DCAF6: variants seen among roughly 807,000 people sequenced by gnomAD.
The protein encoded by DCAF6 is DDB1- and CUL4-associated factor 6.
Under a neutral mutation model 125.1 loss-of-function variants are expected in DCAF6, and 54 were observed. The observed-to-expected ratio is 0.43, with a 90% confidence interval of 0.35 to 0.54. DCAF6 has a LOEUF of 0.54. Ranked by LOEUF, DCAF6 falls within the 20% of genes least tolerant of loss-of-function variation. The probability of loss-of-function intolerance (pLI) is 0.01; values close to 1 mark genes in which losing one functional copy is unlikely to be tolerated. For missense variants in DCAF6, 934 were observed against 1,161.7 expected, an observed-to-expected ratio of 0.80 and a Z score of 2.85; for synonymous variants, 371 against 390.4, an observed-to-expected ratio of 0.95 and a Z score of 0.58.
At position 167,939,893 on chromosome 1, in the gene DCAF6, C is replaced by T. The variant is rs562733009; in HGVS notation, c.97+2885C>T. Among the ~76,000 whole-genome samples, 9 of 152,226 alleles carry T rather than the reference C, an allele frequency of 5.9e-5. 1 individual carries two copies. The South Asian group carries it at 1.5e-3, about 25-fold the overall frequency. On this transcript the variant is annotated intron_variant, in intron 1 of 21. Transcript: ENST00000367840. ...AAAAGACTTCAATATTTAAACATTA[C>T]GATTGTCTATCTACAGGGTTGTAGA...
At chr1:168,009,572 C>G (rs2103124100) in intron 10 of DCAF6, among the ~76,000 whole-genome samples, 1 of 149,172 alleles carries the variant, frequency 6.7e-6, no homozygotes, top group African/African-American at 2.5e-5. Flanking sequence ...CCTTTCCCAT[C>G]TTTCTCTCTT....
intron 4 of DCAF6, among the ~76,000 whole-genome samples, chr1:167,979,908 C>T (rs539840128): frequency 2.7e-5 from 4 of 149,226 alleles, no homozygotes; most frequent in South Asian, 4.3e-4. Context: ...ACAGGCTGGG[C>T]GCAGTGGCTC....
rs917187435 is a variant in DCAF6 at position 167,965,656 on chromosome 1, C to T, written c.160-973C>T. The stretch of plus-strand genomic sequence containing the variant: ...GTTTTTTTCTTTTTTGAGACAGAGT[C>T]TTGCTCTGTCGCGTAGGCTGGGTGC... On this transcript the variant is annotated intron_variant, in intron 2 of 21. Coordinates refer to ENST00000367840, the MANE Select transcript of DCAF6 (RefSeq NM_001198956.2). 2.0e-5 allele frequency among the ~76,000 whole-genome samples: 3 copies of T among 152,090 alleles called. No individual in the cohort carries two copies. In the East Asian group the frequency reaches 5.8e-4, roughly 29 times the overall value.
chr1:168,039,508 TTGAA>T (rs1688229400), intron 13 of DCAF6, among the ~76,000 whole-genome samples: 3 of 150,464 alleles, frequency 2.0e-5, no homozygotes, highest in South Asian at 4.2e-4. Flanking sequence ...TCATGACCAT[TTGAA>T]TGAGAGAGCA....
At chr1:168,040,092 G>A (rs574764490) in intron 13 of DCAF6, among the ~76,000 whole-genome samples, 3 of 152,124 alleles carry the variant, frequency 2.0e-5, no homozygotes, top group Admixed American at 6.6e-5. Flanking sequence ...AAAAGTGATT[G>A]GGAAACCTAG....
At chr1:167,912,784 C>T in the DCAF6 span, among the ~76,000 whole-genome samples, 1 of 152,202 alleles carries the variant, frequency 6.6e-6, no homozygotes, top group African/African-American at 2.4e-5. Context: ...GGTGTTCCTC[C>T]ACTCATCGGA....
the DCAF6 span, among the ~76,000 whole-genome samples, chr1:167,886,991 A>G: frequency 1.3e-5 from 2 of 152,214 alleles, no homozygotes. Context: ...CAAAACCACA[A>G]TGAGATACCA....
At chr1:168,058,877 G>A (rs1344232575) in intron 17 of DCAF6, among the ~76,000 whole-genome samples, 1 of 152,000 alleles carries the variant, frequency 6.6e-6, no homozygotes, top group Non-Finnish European at 1.5e-5. Context: ...GTCCTGATCT[G>A]GTTTTCTACT....
intron 7 of DCAF6, among the ~76,000 whole-genome samples, chr1:168,000,948 G>T (rs1571882698): frequency 1.3e-5 from 2 of 152,132 alleles, no homozygotes; most frequent in South Asian, 4.2e-4. Flanking sequence ...ATACACCACT[G>T]AATTGTATAA....
At chr1:167,990,854 T>C (rs1269321437) in intron 5 of DCAF6, among the ~76,000 whole-genome samples, 1 of 152,182 alleles carries the variant, frequency 6.6e-6, no homozygotes, top group Non-Finnish European at 1.5e-5. Context: ...ATTTTCATAT[T>C]TTTTCTTACT....
chr1:168,068,253 G>A, intron 20 of DCAF6, 105 bp from the exon 21 acceptor site: 1 of 663,594 alleles, frequency 1.5e-6, no homozygotes, highest in Non-Finnish European at 2.6e-6. Context: ...AAAGAATGAA[G>A]TAATTCCTCC....
At chr1:168,005,505 TTAAAC>T (rs1683225034) in intron 10 of DCAF6, among the ~76,000 whole-genome samples, 1 of 152,138 alleles carries the variant, frequency 6.6e-6, no homozygotes, top group African/African-American at 2.4e-5. Flanking sequence ...ACTCGGTACT[TTAAAC>T]TATATACATG....
At chr1:168,057,613 C>A (rs1171257577) in intron 17 of DCAF6, among the ~76,000 whole-genome samples, 1 of 152,086 alleles carries the variant, frequency 6.6e-6, no homozygotes, top group Non-Finnish European at 1.5e-5. Context: ...GTGCTAGATA[C>A]TCTGGTGGGT....
the DCAF6 span, among the ~76,000 whole-genome samples, chr1:167,865,045 T>C: frequency 6.6e-6 from 1 of 152,192 alleles, no homozygotes; most frequent in Non-Finnish European, 1.5e-5. Flanking sequence ...AAGAATTATC[T>C]GCGAAAGTCA....
the DCAF6 span, among the ~76,000 whole-genome samples, chr1:167,921,367 G>A: frequency 2.0e-5 from 3 of 151,876 alleles, no homozygotes; most frequent in Admixed American, 6.6e-5. Flanking sequence ...AATTACAGGC[G>A]TGTGCCAATA....
chr1:167,996,752 C>T (rs1304697132), intron 7 of DCAF6, among the ~76,000 whole-genome samples: 1 of 152,166 alleles, frequency 6.6e-6, no homozygotes, highest in African/African-American at 2.4e-5. Context: ...TGCTTAGTAA[C>T]TCAGGCCAAG....
At chr1:167,887,634 T>G in the DCAF6 span, among the ~76,000 whole-genome samples, 1 of 152,086 alleles carries the variant, frequency 6.6e-6, no homozygotes, top group African/African-American at 2.4e-5. Context: ...ACATGGGACA[T>G]GTATACATAA....
chr1:168,060,437 C>G (rs1440368020), intron 17 of DCAF6, among the ~76,000 whole-genome samples: 1 of 152,196 alleles, frequency 6.6e-6, no homozygotes, highest in Admixed American at 6.5e-5. Flanking sequence ...CCTCCTGCCT[C>G]AGACTCCCAA....
At chr1:167,977,804 A>T (rs1678484658) in intron 4 of DCAF6, among the ~76,000 whole-genome samples, 1 of 152,184 alleles carries the variant, frequency 6.6e-6, no homozygotes, top group Admixed American at 6.5e-5. Flanking sequence ...AACATATAGG[A>T]AAAGTACCTA....
Sources: gnomAD v4.1 joint callset for allele counts (sites outside exome capture counted in the v4.1 genomes callset) on GRCh38, gnomAD v4.1.1 for gene constraint, MANE v1.5 for transcripts, NCBI Gene and HGNC (gene_info 2026-07-23, HGNC 2026-07-21) for gene names.